The following VANGL2 variants were observed in gnomAD, a reference collection of about 807,000 sequenced individuals.
The protein encoded by VANGL2 is VANGL planar cell polarity protein 2, also known as vang-like protein 2.
Under a neutral mutation model 50.2 loss-of-function variants are expected in VANGL2, and 14 were observed. The observed-to-expected ratio is 0.28, with a 90% confidence interval of 0.18 to 0.44. The LOEUF (loss-of-function observed/expected upper bound fraction) is 0.44. VANGL2 is among the 20% of genes least tolerant of loss of function. The pLI, the probability that VANGL2 is intolerant of heterozygous loss-of-function variation, is 1.00. For synonymous variants in VANGL2, 295 were observed against 297.2 expected, an observed-to-expected ratio of 0.99 and a Z score of 0.08; for missense variants, 533 against 701.5, an observed-to-expected ratio of 0.76 and a Z score of 2.71.
rs142035303 is a variant in VANGL2 at position 160,416,094 on chromosome 1, G to C, written c.104G>C (p.Arg35Pro). Residue 35 changes from arginine (R) to proline (P), a missense_variant, in exon 3 of 8, where the codon CGA (arginine) becomes CCA (proline). Arg to Pro is a moderately radical substitution (Grantham distance 103). Transcript: ENST00000368061. The part of the protein sequence containing the change: ...DRRDRHRSKS[R>P]DGGRGDKSVT... ...CGGGACCGACACCGCTCTAAGAGTCGAGATGGGGGCCGAGGGGACAAGTCG... is the reference window on the plus strand; with the variant it reads ...CGGGACCGACACCGCTCTAAGAGTCCAGATGGGGGCCGAGGGGACAAGTCG... 9.3e-6 allele frequency: 15 copies of C among 1,614,120 alleles called. No homozygotes were observed. Among genetic ancestry groups the C allele is most frequent in the African/African-American group, 1.3e-5 (1 of 74,938 alleles).
chr1:160,417,903 C>G (rs1376383122), intron 3 of VANGL2, among the ~76,000 whole-genome samples: 1 of 132,222 alleles, frequency 7.6e-6, no homozygotes, highest in African/African-American at 2.8e-5. Flanking sequence ...GATAGGACTT[C>G]CATAATTTTT....
At chr1:160,405,058 TG>T (rs1650604722) in intron 1 of VANGL2, among the ~76,000 whole-genome samples, 1 of 152,088 alleles carries the variant, frequency 6.6e-6, no homozygotes, top group African/African-American at 2.4e-5. Flanking sequence ...GGGTCTGGGC[TG>T]GGGATGGGAC....
At chr1:160,410,124 C>T (rs1339981338) in intron 1 of VANGL2, among the ~76,000 whole-genome samples, 2 of 152,162 alleles carry the variant, frequency 1.3e-5, no homozygotes, top group African/African-American at 2.4e-5. Flanking sequence ...ACCACCCTTC[C>T]CTAGTCCCTG....
intron 1 of VANGL2, among the ~76,000 whole-genome samples, chr1:160,402,063 T>C (rs1571232064): frequency 6.6e-6 from 1 of 152,080 alleles, no homozygotes; most frequent in South Asian, 2.1e-4. Flanking sequence ...GGTTTAGGGG[T>C]AGTACCTTAA....
At chr1:160,411,399 C>A (rs1213481880) in intron 1 of VANGL2, among the ~76,000 whole-genome samples, 1 of 152,012 alleles carries the variant, frequency 6.6e-6, no homozygotes, top group Non-Finnish European at 1.5e-5. Flanking sequence ...ATCCCCTCCC[C>A]CCATCTCTTC....
At chr1:160,424,680 T>C (rs549947478) in intron 7 of VANGL2, among the ~76,000 whole-genome samples, 1 of 152,324 alleles carries the variant, frequency 6.6e-6, no homozygotes, top group African/African-American at 2.4e-5. Flanking sequence ...TAGAATTGCT[T>C]TCCCTGAGCC....
At chr1:160,421,275 T>G in intron 6 of VANGL2, 88 bp downstream of exon 6, 2 of 1,539,888 alleles carry the variant, frequency 1.3e-6, no homozygotes, top group East Asian at 4.6e-5. Flanking sequence ...CTGCTGGAAA[T>G]ATAGGGCAAT....
intron 1 of VANGL2, among the ~76,000 whole-genome samples, chr1:160,401,166 G>T (rs1650446296): frequency 6.6e-6 from 1 of 152,200 alleles, no homozygotes; most frequent in South Asian, 2.1e-4. Flanking sequence ...GGGCCCGGGC[G>T]GGGGCCTTAA....
chr1:160,420,136 T>C (rs1651215678), intron 4 of VANGL2, among the ~76,000 whole-genome samples: 1 of 152,038 alleles, frequency 6.6e-6, no homozygotes, highest in Non-Finnish European at 1.5e-5. Flanking sequence ...GGGGGAACGC[T>C]GAATGGGGAT....
intron 1 of VANGL2, among the ~76,000 whole-genome samples, chr1:160,406,137 A>C (rs1330837188): frequency 6.6e-6 from 1 of 152,218 alleles, no homozygotes; most frequent in African/African-American, 2.4e-5. Context: ...TTTATAGATA[A>C]GGAAACTGAA....
intron 1 of VANGL2, among the ~76,000 whole-genome samples, chr1:160,404,778 C>T (rs1464098365): frequency 1.3e-5 from 2 of 152,140 alleles, no homozygotes; most frequent in African/African-American, 4.8e-5. Flanking sequence ...ATATTATTCC[C>T]TTGTGTGGAC....
chr1:160,414,168 T>C (rs1468057219), intron 1 of VANGL2, among the ~76,000 whole-genome samples: 3 of 152,224 alleles, frequency 2.0e-5, no homozygotes, highest in Non-Finnish European at 4.4e-5. Context: ...TATTTTTCCC[T>C]CTTTTCAATC....
chr1:160,408,054 G>C (rs1282324499), intron 1 of VANGL2, among the ~76,000 whole-genome samples: 1 of 152,138 alleles, frequency 6.6e-6, no homozygotes, highest in African/African-American at 2.4e-5. Flanking sequence ...GACGGACTAG[G>C]AATGGGTCTG....
At position 160,415,873 on chromosome 1, in the gene VANGL2, C is replaced by T. The variant is rs764294111; in HGVS notation, c.36C>T (p.Tyr12=). The T allele has an allele frequency of 8.1e-6, 13 of 1,614,008 alleles. No individual in the cohort carries two copies. The highest frequency in any genetic ancestry group is 2.7e-5 in the African/African-American group (2 of 74,956). The part of the protein sequence containing the change: ...DTESQYSGYS[Y]KSGHSRSSRK... ...AGTCCCAGTACTCGGGCTATTCCTA[C>T]AAGTCGGGCCACTCCCGCAGCTCCC... The change falls in exon 2 of 8, where the codon TAC becomes TAT. Residue 12 remains tyrosine, a synonymous_variant. Coordinates refer to ENST00000368061, the MANE Select transcript of VANGL2 (RefSeq NM_020335.3).
intron 1 of VANGL2, among the ~76,000 whole-genome samples, chr1:160,403,300 A>G (rs541544576): frequency 6.6e-6 from 1 of 151,918 alleles, no homozygotes; most frequent in South Asian, 2.1e-4. Context: ...CATGCATGAT[A>G]TATTATGCTG....
intron 1 of VANGL2, among the ~76,000 whole-genome samples, chr1:160,411,734 G>C (rs1239927372): frequency 6.6e-6 from 1 of 152,082 alleles, no homozygotes; most frequent in East Asian, 1.9e-4. Flanking sequence ...AGGAAGATAG[G>C]GGGCACTAGG....
rs1298602804 is a variant in VANGL2, at chr1:160,420,545, A to C, written c.935A>C (p.Glu312Ala). 1.9e-6 allele frequency: 3 copies of C among 1,614,038 alleles called. No individual in the cohort carries two copies. The highest frequency in any genetic ancestry group is 2.2e-5 in the East Asian group (1 of 44,862). Residue 312 changes from glutamate to alanine, a missense_variant and splice_region_variant, in exon 5 of 8, where the codon GAG (glutamate) becomes GCG (alanine). By Grantham distance (107) the Glu-to-Ala change is moderately radical. Coordinates refer to ENST00000368061, the MANE Select transcript of VANGL2 (RefSeq NM_020335.3). ...VSGFKVYSLG[E>A]ENSTNNSTGQ... ...GGCTTCAAGGTGTATTCCCTCGGAG[A>C]GGGTGAGCAGCCCTGCTCCTCTGCC...
At chr1:160,416,227 TGCTCCTGAGGGGCTGGAG>T in intron 3 of VANGL2, 45 bp downstream of exon 3, 4 of 1,613,110 alleles carry the variant, frequency 2.5e-6, no homozygotes, top group Non-Finnish European at 3.4e-6. Context: ...ATTTTCAGAC[TGCTCCTGAGGGGCTGGAG>T]GCTCCACGGA....
intron 1 of VANGL2, among the ~76,000 whole-genome samples, chr1:160,401,726 C>T (rs965028497): frequency 7.3e-5 from 11 of 151,540 alleles, no homozygotes; most frequent in Non-Finnish European, 1.5e-4. Flanking sequence ...TAGGGGAGGG[C>T]GTGTATGTCT....
Sources: allele counts gnomAD v4.1 joint callset (sites outside exome capture counted in the v4.1 genomes callset), GRCh38; gene constraint gnomAD v4.1.1; transcripts MANE v1.5; gene names NCBI Gene and HGNC (gene_info 2026-07-23, HGNC 2026-07-21).